The following AP1AR variants were observed in gnomAD, a reference collection of about 807,000 sequenced individuals.
The protein encoded by AP1AR is adaptor related protein complex 1 associated regulatory protein.
In AP1AR, 29 loss-of-function variants were observed where a neutral mutation model predicts 46.3. That is an observed-to-expected ratio of 0.63 (90% CI 0.47 to 0.85). The LOEUF (loss-of-function observed/expected upper bound fraction) is 0.85, where lower values mean the gene tolerates loss of function less well. Ranked by LOEUF, AP1AR falls within the 40% of genes least tolerant of loss-of-function variation. The pLI, the probability that AP1AR is intolerant of heterozygous loss-of-function variation, is 0.00. For synonymous variants in AP1AR, 122 were observed against 122.9 expected (o/e 0.99, Z 0.05); for missense variants, 357 against 356.3 (o/e 1.00, Z -0.02).
In AP1AR at chr4:112,261,427, G is replaced by A. The variant is rs143183657; in HGVS notation, c.282+565G>A. 2.1e-3 allele frequency among the ~76,000 whole-genome samples: 317 copies of A among 152,034 alleles called. 1 individual carries two copies. The highest frequency in any genetic ancestry group is 7.2e-3 in the African/African-American group (298 of 41,440). ...AGCCTGGGCAGTAGAGTGAGACCCT[G>A]TCTCAAAAAGGAAACAACAACAAAA... On this transcript the variant is annotated intron_variant, in intron 5 of 9. Coordinates refer to ENST00000274000, the MANE Select transcript of AP1AR (RefSeq NM_018569.6).
At position 112,262,617 on chromosome 4, in the gene AP1AR, T is replaced by A. The variant is rs572105430; in HGVS notation, c.283-371T>A. 1.4e-3 allele frequency among the ~76,000 whole-genome samples: 211 copies of A among 152,308 alleles called. 2 individuals are homozygous for A. Among genetic ancestry groups the A allele is most frequent in the African/African-American group, 4.9e-3 (205 of 41,578 alleles). ...TTCACTTTGGTCACAGTGACGTAAT[T>A]GATCTTAAAGATACTGGATTTATGA... On this transcript the variant is annotated intron_variant, in intron 5 of 9. Coordinates refer to ENST00000274000, the MANE Select transcript of AP1AR (RefSeq NM_018569.6).
chr4:112,257,693 A>G lies in AP1AR; in HGVS notation c.160-79A>G. ...TGGGTAAGTTGAAAGTATTTAGATTAAATAAAAATTGTATTGGTTACTTTA... is the reference window on the plus strand; with the variant it reads ...TGGGTAAGTTGAAAGTATTTAGATTGAATAAAAATTGTATTGGTTACTTTA... On this transcript the variant is annotated intron_variant, in intron 3 of 9. Coordinates refer to ENST00000274000, the MANE Select transcript of AP1AR (RefSeq NM_018569.6). 4 of 1,137,678 alleles carry G rather than the reference A, an allele frequency of 3.5e-6. No individual in the cohort carries two copies. In the South Asian group the frequency reaches 6.3e-5, roughly 18 times the overall value. The allele number at this position is 1,137,678 out of a possible 1,614,324, so 70.5% of individuals were successfully genotyped here. A position where few individuals can be genotyped will look rare whatever the true frequency, so the allele number is the denominator to read the frequency against.
chr4:112,268,444 C>G lies in AP1AR; in HGVS notation c.*35C>G. On this transcript the variant is annotated 3_prime_UTR_variant, in exon 10 of 10. Transcript: ENST00000274000. ...GTGTGACCTTGTTTATCAGTTATGA[C>G]CAAATGTTAAAAACCAACTAGAATG... 3.9e-6 allele frequency: 6 copies of G among 1,529,532 alleles called. No homozygotes were observed. The highest frequency in any genetic ancestry group is 5.3e-6 in the Non-Finnish European group (6 of 1,138,890). 94.7% of individuals were successfully genotyped at this position (1,529,532 alleles called of 1,614,324 possible).
Position 112,270,260 on chromosome 4 carries a change from AAATATTGG to A in AP1AR, c.*1856_*1863del, listed in dbSNP as rs1456762654. On this transcript the variant is annotated 3_prime_UTR_variant, in exon 10 of 10. Coordinates refer to ENST00000274000, the MANE Select transcript of AP1AR (RefSeq NM_018569.6). ...AAGTACTAGAAATAACTTATTCAGC[AAATATTGG>A]AATAGTATTTAATATTATTGGAACT... Among the ~76,000 whole-genome samples, 1 of 152,228 alleles carries A rather than the reference AAATATTGG, an allele frequency of 6.6e-6. No individual in the cohort carries two copies. Among genetic ancestry groups the A allele is most frequent in the East Asian group, 1.9e-4 (1 of 5,206 alleles).
At chr4:112,249,359 T>TAAA (rs34100698) in intron 1 of AP1AR, among the ~76,000 whole-genome samples, 10 of 147,956 alleles carry the variant, frequency 6.8e-5, no homozygotes, top group Middle Eastern at 3.5e-3. Flanking sequence ...TACTTTTCTT[T>TAAA]AAAAAAAAAA....
intron 6 of AP1AR, 76 bp downstream of exon 6, chr4:112,263,162 CT>C: frequency 1.8e-5 from 20 of 1,125,946 alleles, no homozygotes; most frequent in Admixed American, 9.6e-5. Context: ...AGTTGGGACT[CT>C]TTTTTTCCTA....
At chr4:112,253,074 TC>T (rs1385409828) in intron 1 of AP1AR, 133 bp from the exon 2 acceptor site, 3 of 601,718 alleles carry the variant, frequency 5.0e-6, no homozygotes, top group Non-Finnish European at 7.9e-6. Context: ...ATTTTGTTGT[TC>T]TTTTTTTATA....
At chr4:112,255,769 A>C (rs1211494209) in intron 3 of AP1AR, among the ~76,000 whole-genome samples, 1 of 152,244 alleles carries the variant, frequency 6.6e-6, no homozygotes, top group Non-Finnish European at 1.5e-5. Context: ...AGTGCATTTT[A>C]GAATCAGCAA....
At position 112,270,769 on chromosome 4, in the gene AP1AR, A is replaced by G. The variant is rs1726915912; in HGVS notation, c.*2360A>G. Among the ~76,000 whole-genome samples the G allele has an allele frequency of 6.6e-6, 1 of 152,162 alleles. No homozygotes were observed. Among genetic ancestry groups the G allele is most frequent in the Non-Finnish European group, 1.5e-5 (1 of 68,024 alleles). On this transcript the variant is annotated 3_prime_UTR_variant, in exon 10 of 10. Transcript: ENST00000274000. The stretch of plus-strand genomic sequence containing the variant: ...TGAGATGATACTGGAGTGGTAGTTA[A>G]GGGCCAGATGATGCAAGACCTTGTA...
At chr4:112,266,476 G>C (rs1726711899) in intron 8 of AP1AR, 112 bp from the exon 9 acceptor site, 1 of 1,040,322 alleles carries the variant, frequency 9.6e-7, no homozygotes, top group African/African-American at 1.7e-5. Context: ...TTCTTATGAA[G>C]CTAAAAGTAA....
At chr4:112,235,268 C>G (rs1486552831) in intron 1 of AP1AR, among the ~76,000 whole-genome samples, 1 of 152,118 alleles carries the variant, frequency 6.6e-6, no homozygotes, top group East Asian at 1.9e-4. Context: ...TTTTTTCTTT[C>G]TCAGATAGAA....
In AP1AR at chr4:112,270,558, A is replaced by T. The variant is rs981650308; in HGVS notation, c.*2149A>T. Among the ~76,000 whole-genome samples, 3 of 152,252 alleles carry T rather than the reference A, an allele frequency of 2.0e-5. No individual in the cohort carries two copies. The highest frequency in any genetic ancestry group is 7.2e-5 in the African/African-American group (3 of 41,460). On this transcript the variant is annotated 3_prime_UTR_variant, in exon 10 of 10. Transcript: ENST00000274000. ...TTTAAGTTTTAGTTGTTAACTTGTT[A>T]ATTGTTTACTTGGCTAAAACCTAAT...
intron 1 of AP1AR, among the ~76,000 whole-genome samples, chr4:112,235,281 C>G (rs1452119991): frequency 3.9e-5 from 6 of 152,140 alleles, no homozygotes; most frequent in Admixed American, 3.3e-4. Flanking sequence ...AGATAGAAGA[C>G]CCAATTAAGT....
In AP1AR at chr4:112,271,347, A is replaced by C. The variant is rs1336275056; in HGVS notation, c.*2938A>C. Reference sequence around the variant, plus strand: ...GTTTCCAGTGACCTCACTCTCATTCAGGTGCAGATACCGACTATAAAAATG... The same window carrying C: ...GTTTCCAGTGACCTCACTCTCATTCCGGTGCAGATACCGACTATAAAAATG... On this transcript the variant is annotated 3_prime_UTR_variant, in exon 10 of 10. Coordinates refer to ENST00000274000, the MANE Select transcript of AP1AR (RefSeq NM_018569.6). Among the ~76,000 whole-genome samples the C allele has an allele frequency of 6.6e-6, 1 of 152,230 alleles. No individual in the cohort carries two copies. Among genetic ancestry groups the C allele is most frequent in the Non-Finnish European group, 1.5e-5 (1 of 68,040 alleles).
chr4:112,247,661 T>C (rs1225625078), intron 1 of AP1AR, among the ~76,000 whole-genome samples: 5 of 152,250 alleles, frequency 3.3e-5, no homozygotes, highest in Non-Finnish European at 7.3e-5. Context: ...CCCACTATTG[T>C]TACTGTGATT....
chr4:112,239,781 C>T (rs188231700), intron 1 of AP1AR, among the ~76,000 whole-genome samples: 100 of 152,292 alleles, frequency 6.6e-4, no homozygotes, highest in Non-Finnish European at 1.2e-3. Flanking sequence ...TTGTAGACTC[C>T]GAGCATTTGT....
intron 1 of AP1AR, among the ~76,000 whole-genome samples, chr4:112,244,278 A>T (rs961011523): frequency 6.6e-6 from 1 of 152,196 alleles, no homozygotes; most frequent in Non-Finnish European, 1.5e-5. Context: ...GTGGAACTTA[A>T]GCTGATTCCA....
At chr4:112,239,886 C>T (rs926309603) in intron 1 of AP1AR, among the ~76,000 whole-genome samples, 3 of 152,180 alleles carry the variant, frequency 2.0e-5, no homozygotes, top group Non-Finnish European at 4.4e-5. Flanking sequence ...GCGGTGCTTG[C>T]CACATAGTAG....
chr4:112,261,545 AT>A (rs945147973), intron 5 of AP1AR, among the ~76,000 whole-genome samples: 1 of 151,260 alleles, frequency 6.6e-6, no homozygotes, highest in Non-Finnish European at 1.5e-5. Context: ...CCAAGTACTT[AT>A]AATCATAAGT....
Sources: gnomAD v4.1 joint callset for allele counts (sites outside exome capture counted in the v4.1 genomes callset) on GRCh38, gnomAD v4.1.1 for gene constraint, MANE v1.5 for transcripts, NCBI Gene and HGNC (gene_info 2026-07-23, HGNC 2026-07-21) for gene names.